The following GEN1 variants were observed in gnomAD, a reference collection of about 807,000 sequenced individuals.
GEN1 encodes flap endonuclease GEN homolog 1.
Under a neutral mutation model 67.6 loss-of-function variants are expected in GEN1, and 64 were observed. The observed-to-expected ratio is 0.95, with a 90% CI of 0.77 to 1.17. GEN1 has a LOEUF of 1.17. GEN1 is among the 50% of genes most tolerant of loss of function. The pLI, the probability that GEN1 is intolerant of heterozygous loss-of-function variation, is 0.00. For missense variants in GEN1, 1,058 were observed against 1,048.3 expected, an observed-to-expected ratio of 1.01 and a Z score of -0.13; for synonymous variants, 371 against 359.4, an observed-to-expected ratio of 1.03 and a Z score of -0.37.
chr2:17,770,968 C>A, intron 6 of GEN1: 1 of 557,580 alleles, frequency 1.8e-6, no homozygotes, highest in South Asian at 1.6e-5. Flanking sequence ...GATACACACA[C>A]ACATATACTC....
At chr2:17,768,703 A>G in intron 5 of GEN1, 35 bp from the exon 6 acceptor site, 1 of 1,444,538 alleles carries the variant, frequency 6.9e-7, no homozygotes, top group Non-Finnish European at 9.7e-7. Flanking sequence ...CTAGTGATTA[A>G]CATTGGAATT....
At chr2:17,769,149 A>ACTG (rs1462348045) in intron 6 of GEN1, among the ~76,000 whole-genome samples, 1 of 152,102 alleles carries the variant, frequency 6.6e-6, no homozygotes, top group East Asian at 1.9e-4. Flanking sequence ...CCTCCTGAGT[A>ACTG]ACTGGGACAA....
intron 1 of GEN1, among the ~76,000 whole-genome samples, chr2:17,758,798 G>A (rs1223030414): frequency 1.3e-5 from 2 of 151,520 alleles, no homozygotes; most frequent in East Asian, 3.9e-4. Flanking sequence ...AGGTTGCACT[G>A]AGCTGAGATC....
At position 17,783,722 on chromosome 2, in the gene GEN1, G is replaced by A. The variant is rs897436893; in HGVS notation, c.*1783G>A. On this transcript the variant is annotated 3_prime_UTR_variant, in exon 14 of 14. Coordinates refer to ENST00000381254, the MANE Select transcript of GEN1 (RefSeq NM_001130009.3). The stretch of plus-strand genomic sequence containing the variant: ...TTTATGGTCAGTTGATTTTAAACCA[G>A]AGTGCCAAGACAATTCAATGGGAAA... The A allele has an allele frequency of 5.9e-5, 9 of 152,190 alleles. No individual in the cohort carries two copies. Among genetic ancestry groups the A allele is most frequent in the African/African-American group, 2.2e-4 (9 of 41,442 alleles). 9.4% of individuals were successfully genotyped at this position (152,190 alleles called of 1,614,324 possible). A position where few individuals can be genotyped will look rare whatever the true frequency, so the allele number is the denominator to read the frequency against.
rs866830161 is a variant in GEN1, at chr2:17,778,251, T to C, written c.1264+188T>C. Among the ~76,000 whole-genome samples, 13 of 106,130 alleles carry C rather than the reference T, an allele frequency of 1.2e-4. 1 individual carries two copies. The highest frequency in any genetic ancestry group is 3.3e-4 in the African/African-American group (7 of 21,282). 69.6% of individuals were successfully genotyped at this position (106,130 alleles called of 152,430 possible). ...ACATATATGTGTGTACATATATGTA[T>C]ACACACATATGTGTGTACATATATG... On this transcript the variant is annotated intron_variant, in intron 12 of 13. Transcript: ENST00000381254.
chr2:17,759,283 A>T (rs1671564840), intron 1 of GEN1, among the ~76,000 whole-genome samples: 1 of 152,256 alleles, frequency 6.6e-6, no homozygotes, highest in Non-Finnish European at 1.5e-5. Context: ...GAAAATACCA[A>T]ACCAGATAAT....
At chr2:17,771,434 G>A in intron 7 of GEN1, 147 bp downstream of exon 7, 3 of 607,342 alleles carry the variant, frequency 4.9e-6, no homozygotes, top group Non-Finnish European at 8.8e-6. Context: ...CTTGCAGTCA[G>A]TTTTGTTATA....
intron 3 of GEN1, 139 bp from the exon 4 acceptor site, chr2:17,764,758 A>G: frequency 1.4e-6 from 1 of 727,780 alleles, no homozygotes; most frequent in South Asian, 2.7e-5. Context: ...TCAAATTTCC[A>G]AGTGTTTCTT....
At chr2:17,780,385 T>C (rs939465746) in intron 13 of GEN1, among the ~76,000 whole-genome samples, 5 of 152,346 alleles carry the variant, frequency 3.3e-5, no homozygotes, top group Non-Finnish European at 7.4e-5. Flanking sequence ...CTACTGTTTA[T>C]AGCATATTCG....
Position 17,778,323 on chromosome 2 carries a change from C to CATATATGTATATACACACACAT in GEN1, c.1264+260_1264+261insATATATGTATATACACACACAT, listed in dbSNP as rs1553331284. On this transcript the variant is annotated intron_variant, in intron 12 of 13. Transcript: ENST00000381254. ...GTACATATATGTATATACACACACA[C>CATATATGTATATACACACACAT]GTGTACATATATGTATACACACACA... Among the ~76,000 whole-genome samples the CATATATGTATATACACACACAT allele has an allele frequency of 7.7e-3, 239 of 30,870 alleles. 95 individuals carry two copies. The highest frequency in any genetic ancestry group is 0.024 in the African/African-American group (226 of 9,358). 20.3% of individuals were successfully genotyped at this position (30,870 alleles called of 152,430 possible). A position where few individuals can be genotyped will look rare whatever the true frequency, so the allele number is the denominator to read the frequency against.
At chr2:17,759,534 G>A (rs1276709133) in intron 1 of GEN1, among the ~76,000 whole-genome samples, 1 of 150,400 alleles carries the variant, frequency 6.6e-6, no homozygotes, top group African/African-American at 2.4e-5. Context: ...ACTTTTCTAA[G>A]TTTTCCTTTA....
chr2:17,766,221 G>A (rs991348203), intron 4 of GEN1, among the ~76,000 whole-genome samples: 2 of 152,226 alleles, frequency 1.3e-5, no homozygotes, highest in Non-Finnish European at 2.9e-5. Flanking sequence ...AATCTGAAAT[G>A]CAGTGGTGTG....
intron 6 of GEN1, among the ~76,000 whole-genome samples, chr2:17,769,938 A>G (rs1672108649): frequency 6.6e-6 from 1 of 152,202 alleles, no homozygotes; most frequent in Admixed American, 6.5e-5. Context: ...TAAAAATGAA[A>G]AAGGAATGAC....
intron 4 of GEN1, 45 bp downstream of exon 4, chr2:17,765,118 CT>C: frequency 1.3e-6 from 2 of 1,576,684 alleles, no homozygotes; most frequent in Non-Finnish European, 1.7e-6. Flanking sequence ...TACGAACTAC[CT>C]TTTTTAAAGG....
At position 17,773,277 on chromosome 2, in the gene GEN1, G is replaced by A. The variant is rs2125149259; in HGVS notation, c.1049G>A (p.Arg350Lys). 6.3e-7 allele frequency: 1 copy of A among 1,592,764 alleles called. No individual in the cohort carries two copies. Among genetic ancestry groups the A allele is most frequent in the Middle Eastern group, 2.1e-4 (1 of 4,754 alleles). Residue 350 changes from arginine to lysine, a missense_variant, in exon 10 of 14, where the codon AGA becomes AAA. Transcript: ENST00000381254. ...TTGGTGAAGGTTATCAGGTACCAAA[G>A]ACCTGATTTGTTATTGTTTCAGGTA... is the stretch of plus-strand genomic sequence containing the variant. The part of the protein sequence containing the change: ...DKLVKVIRYQ[R>K]PDLLLFQRFT...
At position 17,785,912 on chromosome 2, in the gene GEN1, A is replaced by T. The variant is rs190422863; in HGVS notation, c.*3973A>T. The T allele has an allele frequency of 7.9e-5, 12 of 151,692 alleles. No homozygotes were observed. The highest frequency in any genetic ancestry group is 2.4e-4 in the African/African-American group (10 of 41,384). 9.4% of individuals were successfully genotyped at this position (151,692 alleles called of 1,614,324 possible). Reference sequence around the variant, plus strand: ...TCTAAAAAAAATTAAAATTTAAATTAAAAAAAAATATACAATCTCCGTCTT... The same window carrying T: ...TCTAAAAAAAATTAAAATTTAAATTTAAAAAAAATATACAATCTCCGTCTT... On this transcript the variant is annotated 3_prime_UTR_variant, in exon 14 of 14. Coordinates refer to ENST00000381254, the MANE Select transcript of GEN1 (RefSeq NM_001130009.3).
chr2:17,781,205 A>G lies in GEN1; in HGVS notation c.1993A>G (p.Thr665Ala), dbSNP rs761121170. Reference protein sequence around the residue: ...SPEEHLLSGITDLCLQDLPLK... With the variant: ...SPEEHLLSGIADLCLQDLPLK... ...TGAAGAGCATCTACTTTCTGGCATTACTGATTTATGTCTTCAGGATTTGCC... is the reference window on the plus strand; with the variant it reads ...TGAAGAGCATCTACTTTCTGGCATTGCTGATTTATGTCTTCAGGATTTGCC... Residue 665 changes from threonine (T) to alanine (A), a missense_variant, in exon 14 of 14, where the codon ACT becomes GCT. By Grantham distance (58) the Thr-to-Ala change is moderately conservative. Transcript: ENST00000381254. The G allele has an allele frequency of 6.2e-7, 1 of 1,613,644 alleles. No individual in the cohort carries two copies. Among genetic ancestry groups the G allele is most frequent in the South Asian group, 1.1e-5 (1 of 91,066 alleles).
chr2:17,779,605 ATT>A (rs113812462), intron 12 of GEN1, among the ~76,000 whole-genome samples: 1 of 146,192 alleles, frequency 6.8e-6, no homozygotes. Flanking sequence ...GGAAAGATTG[ATT>A]TTTTTTTTTT....
intron 2 of GEN1, 119 bp from the exon 3 acceptor site, chr2:17,761,277 A>G: frequency 1.6e-6 from 1 of 607,434 alleles, no homozygotes; most frequent in Non-Finnish European, 2.9e-6. Flanking sequence ...AGCTTAAGTA[A>G]AATGTTATTA....
Sources: gnomAD v4.1 joint callset for allele counts (sites outside exome capture counted in the v4.1 genomes callset) on GRCh38, gnomAD v4.1.1 for gene constraint, MANE v1.5 for transcripts, NCBI Gene and HGNC (gene_info 2026-07-23, HGNC 2026-07-21) for gene names.